EDA: variants seen among roughly 807,000 people sequenced by gnomAD.
The protein encoded by EDA is ectodysplasin A, also known as ectodysplasin-A.
EDA carries 2 observed loss-of-function variants against 23.6 expected under a neutral mutation model. The observed-to-expected ratio is 0.08, with a 90% CI of 0.03 to 0.27. The LOEUF (loss-of-function observed/expected upper bound fraction) is 0.27, where lower values mean the gene tolerates loss of function less well. Ranked by LOEUF, EDA falls within the 10% of genes least tolerant of loss-of-function variation. EDA has a pLI of 1.00. For missense variants in EDA, 229 were observed against 324.2 expected (o/e 0.71, Z 2.26); for synonymous variants, 131 against 132.0 (o/e 0.99, Z 0.05).
intron 1 of EDA, among the ~76,000 whole-genome samples, chrX:69,624,157 A>G (rs1932289598): frequency 8.9e-6 from 1 of 112,024 alleles, no homozygotes; most frequent in Non-Finnish European, 1.9e-5. Flanking sequence ...CCTGTGACTT[A>G]ACTTCCAATT....
chrX:69,680,223 G>C (rs1215061261), intron 1 of EDA, among the ~76,000 whole-genome samples: 1 of 79,650 alleles, frequency 1.3e-5, no homozygotes, highest in African/African-American at 5.7e-5. Flanking sequence ...CATTTGCTGA[G>C]GAGAGCTTTA....
chrX:69,675,572 C>T (rs1201892871), intron 1 of EDA, among the ~76,000 whole-genome samples: 1 of 106,275 alleles, frequency 9.4e-6, no homozygotes, highest in Non-Finnish European at 1.9e-5. Flanking sequence ...TTCACTGTCC[C>T]TAATTTTTTT....
At chrX:69,832,936 T>G (rs2016656276) in intron 1 of EDA, among the ~76,000 whole-genome samples, 1 of 111,849 alleles carries the variant, frequency 8.9e-6, no homozygotes, top group African/African-American at 3.3e-5. Context: ...AAGGAGATTT[T>G]GGGCTGAGAC....
chrX:69,712,286 G>T (rs2012089489), intron 1 of EDA, among the ~76,000 whole-genome samples: 1 of 110,997 alleles, frequency 9.0e-6, no homozygotes, highest in Admixed American at 9.6e-5. Flanking sequence ...AATTATAAAT[G>T]GTAATGTGTC....
chrX:70,015,429 C>T (rs1306047893), intron 2 of EDA, among the ~76,000 whole-genome samples: 1 of 111,135 alleles, frequency 9.0e-6, no homozygotes. Flanking sequence ...AAAAATTAGT[C>T]GGGCATGGTG....
In EDA at chrX:69,881,589, G is replaced by T. The variant is rs769177521; in HGVS notation, c.397-75438G>T. Among the ~76,000 whole-genome samples the T allele has an allele frequency of 2.7e-5, 3 of 111,747 alleles. No individual in the cohort carries two copies. In the South Asian group the frequency reaches 1.1e-3, roughly 42 times the overall value. On this transcript the variant is annotated intron_variant, in intron 1 of 7. Coordinates refer to ENST00000374552, the MANE Select transcript of EDA (RefSeq NM_001399.5). The stretch of plus-strand genomic sequence containing the variant: ...TCCTTGGAATTGATCCCTCCCACTG[G>T]CCCCTATCCACTCAAATCCATTTGC...
intron 1 of EDA, among the ~76,000 whole-genome samples, chrX:69,681,616 G>T (rs1458139734): frequency 1.8e-5 from 2 of 110,529 alleles, no homozygotes; most frequent in Non-Finnish European, 3.8e-5. Context: ...GATCGCATCG[G>T]CTCCTGAGGC....
intron 1 of EDA, among the ~76,000 whole-genome samples, chrX:69,683,914 T>C (rs777748857): frequency 8.9e-6 from 1 of 112,434 alleles, no homozygotes; most frequent in African/African-American, 3.2e-5. Context: ...TTGTCTTAAA[T>C]CTTGTTTTAA....
chrX:69,762,694 T>G (rs1377136596), intron 1 of EDA, among the ~76,000 whole-genome samples: 6 of 112,043 alleles, frequency 5.4e-5, no homozygotes. Context: ...AATACATTTA[T>G]TAAGCCACCT....
intron 1 of EDA, among the ~76,000 whole-genome samples, chrX:69,665,362 T>C (rs1206986329): frequency 8.9e-6 from 1 of 111,906 alleles, no homozygotes; most frequent in African/African-American, 3.2e-5. Context: ...GAGCTTTTAG[T>C]GTGATATGTA....
At chrX:69,833,966 C>T (rs1364885810) in intron 1 of EDA, among the ~76,000 whole-genome samples, 4 of 81,180 alleles carry the variant, frequency 4.9e-5, no homozygotes, top group Non-Finnish European at 9.1e-5. Flanking sequence ...CCCTACCCCA[C>T]GACAGGCACC....
At chrX:69,824,524 C>T (rs1042039057) in intron 1 of EDA, among the ~76,000 whole-genome samples, 2 of 109,856 alleles carry the variant, frequency 1.8e-5, no homozygotes, top group African/African-American at 3.3e-5. Context: ...TATAAGAATG[C>T]TTGTGCTTTT....
intron 1 of EDA, among the ~76,000 whole-genome samples, chrX:69,748,656 G>T (rs915026078): frequency 2.7e-5 from 3 of 111,803 alleles, no homozygotes; most frequent in Admixed American, 9.5e-5. Flanking sequence ...TAGCTTAAAA[G>T]CATGGACTCT....
chrX:69,779,469 A>G (rs1182463662), intron 1 of EDA, among the ~76,000 whole-genome samples: 2 of 111,578 alleles, frequency 1.8e-5, no homozygotes, highest in Non-Finnish European at 3.8e-5. Context: ...AATATCCAGA[A>G]TAGGTAAATC....
intron 3 of EDA, among the ~76,000 whole-genome samples, chrX:70,026,352 G>A (rs2020106329): frequency 9.0e-6 from 1 of 111,391 alleles, no homozygotes; most frequent in Admixed American, 9.5e-5. Flanking sequence ...CTACATCCTG[G>A]TGGGAATGTT....
chrX:69,795,505 T>C (rs1462346261), intron 1 of EDA, among the ~76,000 whole-genome samples: 1 of 112,968 alleles, frequency 8.9e-6, no homozygotes, highest in East Asian at 2.8e-4. Flanking sequence ...TTATCAAATA[T>C]TGAAATTATT....
intron 1 of EDA, among the ~76,000 whole-genome samples, chrX:69,788,530 G>C (rs1602409399): frequency 8.9e-6 from 1 of 111,793 alleles, no homozygotes; most frequent in African/African-American, 3.2e-5. Context: ...CTCAGCTGCA[G>C]GTCTGTTGGA....
chrX:69,966,065 A>T (rs939793067), intron 2 of EDA, among the ~76,000 whole-genome samples: 1 of 112,077 alleles, frequency 8.9e-6, no homozygotes, highest in African/African-American at 3.2e-5. Flanking sequence ...AAAAATAAAT[A>T]AAATGGTCAT....
intron 1 of EDA, among the ~76,000 whole-genome samples, chrX:69,879,072 C>T (rs904873273): frequency 4.3e-4 from 48 of 110,365 alleles, no homozygotes; most frequent in Non-Finnish European, 7.6e-5. Flanking sequence ...TCTTTGATTC[C>T]GCGCCGCCCC....
Sources: allele counts gnomAD v4.1 joint callset (sites outside exome capture counted in the v4.1 genomes callset), GRCh38; gene constraint gnomAD v4.1.1; transcripts MANE v1.5; gene names NCBI Gene and HGNC (gene_info 2026-07-23, HGNC 2026-07-21).